The following CEP112 variants were observed in gnomAD, a reference collection of about 807,000 sequenced individuals.
CEP112 encodes the protein centrosomal protein 112.
A neutral mutation model predicts 153.0 loss-of-function variants in CEP112; 127 were observed. The ratio of observed to expected loss-of-function variants is 0.83; its 90% CI spans 0.72 to 0.96. CEP112 has a LOEUF of 0.96. Ranked by LOEUF, CEP112 falls within the 40% of genes least tolerant of loss-of-function variation. The pLI is 0.00. For missense variants in CEP112, 1,089 were observed against 1,101.2 expected (o/e 0.99, Z 0.16); for synonymous variants, 358 against 374.4 (o/e 0.96, Z 0.51).
chr17:66,072,620 G>A (rs977615498), intron 8 of CEP112, among the ~76,000 whole-genome samples: 3 of 152,182 alleles, frequency 2.0e-5, no homozygotes, highest in African/African-American at 4.8e-5. Flanking sequence ...CATCATATTA[G>A]AAGGAGGCTA....
At chr17:66,118,251 A>G (rs897264960) in intron 6 of CEP112, among the ~76,000 whole-genome samples, 1 of 152,168 alleles carries the variant, frequency 6.6e-6, no homozygotes, top group Non-Finnish European at 1.5e-5. Context: ...TTTATACTAA[A>G]CTCCCATGAT....
At chr17:65,643,292 T>G (rs1279360688) in intron 24 of CEP112, among the ~76,000 whole-genome samples, 1 of 125,934 alleles carries the variant, frequency 7.9e-6, no homozygotes, top group Non-Finnish European at 1.7e-5. Context: ...GGATGGTGAA[T>G]CCCTGGTATT....
At chr17:66,189,272 A>C (rs1234071618) in intron 1 of CEP112, among the ~76,000 whole-genome samples, 1 of 152,146 alleles carries the variant, frequency 6.6e-6, no homozygotes, top group Non-Finnish European at 1.5e-5. Context: ...AAGCTGAGGC[A>C]GGCGGATAAC....
intron 21 of CEP112, among the ~76,000 whole-genome samples, chr17:65,773,152 A>G (rs2053478128): frequency 6.6e-6 from 1 of 152,214 alleles, no homozygotes; most frequent in Non-Finnish European, 1.5e-5. Flanking sequence ...GTTTCAGATG[A>G]CAGGAGTGAC....
At chr17:65,837,378 C>T (rs558998475) in intron 21 of CEP112, among the ~76,000 whole-genome samples, 15 of 152,044 alleles carry the variant, frequency 9.9e-5, no homozygotes, top group African/African-American at 3.4e-4. Flanking sequence ...GCTGGGCCAC[C>T]CATCGTCTGA....
intron 18 of CEP112, 38 bp downstream of exon 18, chr17:65,961,425 A>G: frequency 6.5e-7 from 1 of 1,544,974 alleles, no homozygotes; most frequent in Non-Finnish European, 8.8e-7. Flanking sequence ...CTACTGAGAG[A>G]GTGACTTTCA....
chr17:65,798,901 A>T (rs1340251216), intron 21 of CEP112, among the ~76,000 whole-genome samples: 1 of 152,208 alleles, frequency 6.6e-6, no homozygotes, highest in African/African-American at 2.4e-5. Flanking sequence ...GCTTTAGTGA[A>T]TCTTAATTTT....
intron 22 of CEP112, among the ~76,000 whole-genome samples, chr17:65,748,939 T>C (rs1183638973): frequency 6.6e-6 from 1 of 152,230 alleles, no homozygotes; most frequent in African/African-American, 2.4e-5. Context: ...GCTTCCCCCA[T>C]TTAACGTAAA....
chr17:66,029,060 T>C lies in CEP112; in HGVS notation c.1503+63A>G, dbSNP rs995275683. ...ATGCCAAATAATTTCTACTTGGCTA[T>C]CTATGGCTCTAGGCTTAGTGAATAA... is the stretch of plus-strand genomic sequence containing the variant. On this transcript the variant is annotated intron_variant, in intron 14 of 26. Coordinates refer to ENST00000535342, the MANE Select transcript of CEP112 (RefSeq NM_001199165.4). 4.9e-5 allele frequency: 62 copies of C among 1,253,042 alleles called. 1 individual carries two copies. The Admixed American group carries it at 1.4e-3, about 29-fold the overall frequency. The allele number at this position is 1,253,042 out of a possible 1,614,324, so 77.6% of individuals were successfully genotyped here. A position where few individuals can be genotyped will look rare whatever the true frequency, so the allele number is the denominator to read the frequency against.
intron 2 of CEP112, among the ~76,000 whole-genome samples, chr17:66,178,792 G>A (rs77765276): frequency 0.034 from 5,205 of 151,896 alleles, 132 homozygotes; most frequent in Middle Eastern, 0.061. Context: ...CTTGATATCC[G>A]TATACAGAAG....
At chr17:65,985,851 T>TTC (rs1479215920) in intron 17 of CEP112, among the ~76,000 whole-genome samples, 1 of 151,094 alleles carries the variant, frequency 6.6e-6, no homozygotes, top group Admixed American at 6.6e-5. Flanking sequence ...GGCTTTTGTT[T>TTC]TTTTTTTTTT....
chr17:65,688,425 A>T (rs1231938902), intron 24 of CEP112: 1 of 152,126 alleles, frequency 6.6e-6, no homozygotes, highest in African/African-American at 2.4e-5. Context: ...TTAGCCAGGG[A>T]CTGGGTATGC....
chr17:65,743,103 T>G lies in CEP112; in HGVS notation c.2572A>C (p.Lys858Gln), dbSNP rs1189540821. 8.1e-6 allele frequency: 13 copies of G among 1,612,124 alleles called. No homozygotes were observed. Among genetic ancestry groups the G allele is most frequent in the South Asian group, 2.2e-5 (2 of 90,600 alleles). ...DVRQKFEDEK[K>Q]QLIRDNDQAI... Reference sequence around the variant, plus strand: ...TGGTCATTATCTCTAATCAGCTGCTTCTTCTCATCTTCAAACTTTTGTCTA... The same window carrying G: ...TGGTCATTATCTCTAATCAGCTGCTGCTTCTCATCTTCAAACTTTTGTCTA... The change falls in exon 23 of 27, where the codon AAG becomes CAG. Residue 858 changes from lysine (K) to glutamine (Q), a missense_variant. Physicochemically the swap from Lys to Gln is moderately conservative, Grantham distance 53. Transcript: ENST00000535342.
chr17:66,034,060 A>T (rs2065606550), intron 12 of CEP112, among the ~76,000 whole-genome samples: 1 of 152,176 alleles, frequency 6.6e-6, no homozygotes, highest in Non-Finnish European at 1.5e-5. Flanking sequence ...CAAGACTTGA[A>T]TGTGTGCCAA....
rs145547179 is a variant in CEP112 at position 66,013,831 on chromosome 17, G to A, written c.1657-8062C>T. On this transcript the variant is annotated intron_variant, in intron 16 of 26. Transcript: ENST00000535342. ...CAGTGGCAGCAGTGGCACCATGGAG[G>A]GGAGGGGTCACTGGCATCTGTGTGT... Among the ~76,000 whole-genome samples the A allele has an allele frequency of 2.5e-3, 383 of 152,224 alleles. 1 individual carries two copies. The highest frequency in any genetic ancestry group is 0.01 in the Middle Eastern group (3 of 294).
At chr17:65,646,564 T>C (rs1219822580) in intron 24 of CEP112, among the ~76,000 whole-genome samples, 1 of 152,148 alleles carries the variant, frequency 6.6e-6, no homozygotes, top group Non-Finnish European at 1.5e-5. Context: ...ACTCTCCATG[T>C]TTTTATATGG....
intron 16 of CEP112, among the ~76,000 whole-genome samples, chr17:66,006,348 C>T (rs1162164702): frequency 1.3e-5 from 2 of 152,118 alleles, no homozygotes; most frequent in Non-Finnish European, 2.9e-5. Flanking sequence ...TGGCTCACAT[C>T]TATAATCCCA....
intron 21 of CEP112, among the ~76,000 whole-genome samples, chr17:65,755,493 A>G: frequency 6.6e-6 from 1 of 152,112 alleles, no homozygotes; most frequent in East Asian, 1.9e-4. Context: ...TCAGGGTTTC[A>G]GTATAGGAGA....
At chr17:65,751,785 A>G (rs1387043012) in intron 21 of CEP112, among the ~76,000 whole-genome samples, 1 of 152,170 alleles carries the variant, frequency 6.6e-6, no homozygotes, top group East Asian at 1.9e-4. Context: ...CATCATTAAC[A>G]TCCCTCTTTT....
Sources: allele counts gnomAD v4.1 joint callset (sites outside exome capture counted in the v4.1 genomes callset), GRCh38; gene constraint gnomAD v4.1.1; transcripts MANE v1.5; gene names NCBI Gene and HGNC (gene_info 2026-07-23, HGNC 2026-07-21).